MVB12B: variants seen among roughly 807,000 people sequenced by gnomAD.
The protein encoded by MVB12B is multivesicular body subunit 12B.
MVB12B carries 16 observed loss-of-function variants against 41.6 expected under a neutral mutation model. That is an observed-to-expected ratio of 0.38 (90% CI 0.26 to 0.58). The LOEUF is 0.58. Among genes scored for constraint, MVB12B ranks in the 20% least tolerant of loss-of-function variants. The pLI is 0.62. For missense variants in MVB12B, 274 were observed against 380.2 expected (o/e 0.72, Z 2.32); for synonymous variants, 133 against 139.7 (o/e 0.95, Z 0.34).
In MVB12B at chr9:126,405,928, T is replaced by TTA. The variant is rs564801399; in HGVS notation, c.662+10241_662+10242dup. 6.0e-5 allele frequency among the ~76,000 whole-genome samples: 9 copies of TTA among 150,830 alleles called. No individual in the cohort carries two copies. The East Asian group carries it at 7.8e-4, about 13-fold the overall frequency. ...TCTTGTGCCAGGCATTGTGTAAACGTTATATATATATGTACACACCTACAC... is the reference window on the plus strand; with the variant it reads ...TCTTGTGCCAGGCATTGTGTAAACGTTATATATATATATGTACACACCTACAC... On this transcript the variant is annotated intron_variant, in intron 6 of 9. Transcript: ENST00000361171.
chr9:126,454,723 G>A (rs1832945604), intron 7 of MVB12B, among the ~76,000 whole-genome samples: 1 of 151,964 alleles, frequency 6.6e-6, no homozygotes, highest in Non-Finnish European at 1.5e-5. Flanking sequence ...GTTAAGCACT[G>A]CATAATGTGC....
In MVB12B at chr9:126,373,980, A is replaced by G. The variant is rs77056392; in HGVS notation, c.205-7084A>G. The stretch of plus-strand genomic sequence containing the variant: ...ATACAGATAATTGTTTTGAAAACAA[A>G]CTAAAGTATTGTACTTTATAAACCA... On this transcript the variant is annotated intron_variant, in intron 2 of 9. Coordinates refer to ENST00000361171, the MANE Select transcript of MVB12B (RefSeq NM_033446.3). Among the ~76,000 whole-genome samples, 929 of 152,368 alleles carry G rather than the reference A, an allele frequency of 6.1e-3. 17 individuals carry two copies. The highest frequency in any genetic ancestry group is 0.021 in the African/African-American group (891 of 41,584).
chr9:126,458,055 G>C (rs1387198976), intron 7 of MVB12B, among the ~76,000 whole-genome samples: 1 of 152,178 alleles, frequency 6.6e-6, no homozygotes, highest in Non-Finnish European at 1.5e-5. Flanking sequence ...CAGTAGCCCT[G>C]CACTCTCCCT....
chr9:126,359,582 G>A (rs1190341366), intron 2 of MVB12B, among the ~76,000 whole-genome samples: 1 of 152,156 alleles, frequency 6.6e-6, no homozygotes, highest in Admixed American at 6.5e-5. Flanking sequence ...TAGATGTAGT[G>A]TCATTCAGGT....
At position 126,386,472 on chromosome 9, in the gene MVB12B, G is replaced by T. The variant is rs1340452463; in HGVS notation, c.313-90G>T. ...CTGTCATAAAGCTGCACGAGTCATTGTGTTAAATATGCATCTGGAAGCCAA... is the reference window on the plus strand; with the variant it reads ...CTGTCATAAAGCTGCACGAGTCATTTTGTTAAATATGCATCTGGAAGCCAA... On this transcript the variant is annotated intron_variant, in intron 3 of 9. Transcript: ENST00000361171. This position sits in a 1 kb window ranked among gnomAD's most constrained non-coding sequence, Gnocchi z 4.3. 1.2e-6 allele frequency: 1 copy of T among 808,826 alleles called. No homozygotes were observed. Among genetic ancestry groups the T allele is most frequent in the East Asian group, 2.6e-5 (1 of 38,770 alleles). The allele number at this position is 808,826 out of a possible 1,614,324, so 50.1% of individuals were successfully genotyped here. A position where few individuals can be genotyped will look rare whatever the true frequency, so the allele number is the denominator to read the frequency against.
intron 7 of MVB12B, among the ~76,000 whole-genome samples, chr9:126,442,249 A>AG (rs1832658550): frequency 1.3e-5 from 2 of 152,230 alleles, no homozygotes; most frequent in Admixed American, 1.3e-4. Context: ...TTTTATCCGC[A>AG]GGGCCCTAGA....
Position 126,473,011 on chromosome 9 carries a change from C to A in MVB12B, c.758-8358C>A, listed in dbSNP as rs1297231579. 6.6e-6 allele frequency among the ~76,000 whole-genome samples: 1 copy of A among 152,142 alleles called. No individual in the cohort carries two copies. Among genetic ancestry groups the A allele is most frequent in the African/African-American group, 2.4e-5 (1 of 41,412 alleles). On this transcript the variant is annotated intron_variant, in intron 7 of 9. Coordinates refer to ENST00000361171, the MANE Select transcript of MVB12B (RefSeq NM_033446.3). The surrounding 1 kb of genome is among the most constrained non-coding windows in gnomAD (Gnocchi z 4.0). ...AGAAGAAGAAAGCACTGGCCTAGTA[C>A]TGAAAGGAAACCTGCCCCAGCACAT...
At chr9:126,439,095 A>G (rs1359540060) in intron 7 of MVB12B, among the ~76,000 whole-genome samples, 1 of 150,800 alleles carries the variant, frequency 6.6e-6, no homozygotes, top group Non-Finnish European at 1.5e-5. Flanking sequence ...TTTTTTTTTT[A>G]TTTTAATACA....
intron 7 of MVB12B, among the ~76,000 whole-genome samples, chr9:126,469,861 C>T (rs1232535302): frequency 6.6e-6 from 1 of 152,146 alleles, no homozygotes; most frequent in African/African-American, 2.4e-5. Flanking sequence ...TTTATCTTTA[C>T]CTTGAGCAAA....
chr9:126,371,758 T>C lies in MVB12B; in HGVS notation c.205-9306T>C, dbSNP rs191716944. Among the ~76,000 whole-genome samples, 409 of 152,328 alleles carry C rather than the reference T, an allele frequency of 2.7e-3. 3 individuals carry two copies. The highest frequency in any genetic ancestry group is 4.5e-3 in the Non-Finnish European group (308 of 68,034). ...GCTAGGTACTCAGAAAAATATTCCG[T>C]GAATAAGATAAGATCTTTACTTTAA... is the stretch of plus-strand genomic sequence containing the variant. On this transcript the variant is annotated intron_variant, in intron 2 of 9. Coordinates refer to ENST00000361171, the MANE Select transcript of MVB12B (RefSeq NM_033446.3).
chr9:126,397,017 A>G, intron 6 of MVB12B: 1 of 985,560 alleles, frequency 1.0e-6, no homozygotes, highest in Non-Finnish European at 1.2e-6. Context: ...CAGGTGTGTC[A>G]CCTGTGCTGG....
chr9:126,477,304 C>T (rs1833442380), intron 7 of MVB12B, among the ~76,000 whole-genome samples: 1 of 152,202 alleles, frequency 6.6e-6, no homozygotes, highest in Admixed American at 6.5e-5. Context: ...GTCTCGATCT[C>T]CAACATTGGG....
chr9:126,490,091 G>A (rs1833700911), intron 9 of MVB12B, among the ~76,000 whole-genome samples: 1 of 152,208 alleles, frequency 6.6e-6, no homozygotes, highest in Non-Finnish European at 1.5e-5. Context: ...TCTTCTCTGG[G>A]CGTGAGGAGA....
chr9:126,492,437 C>G (rs1303311117), intron 9 of MVB12B, among the ~76,000 whole-genome samples: 1 of 151,944 alleles, frequency 6.6e-6, no homozygotes, highest in Non-Finnish European at 1.5e-5. Flanking sequence ...TTGAACAGGG[C>G]GGGGCTATTG....
Position 126,498,940 on chromosome 9 carries a change from T to G in MVB12B, c.874-4237T>G, listed in dbSNP as rs372107337. Among the ~76,000 whole-genome samples, 17 of 152,292 alleles carry G rather than the reference T, an allele frequency of 1.1e-4. No individual in the cohort carries two copies. In the South Asian group the frequency reaches 1.9e-3, roughly 17 times the overall value. On this transcript the variant is annotated intron_variant, in intron 9 of 9. Coordinates refer to ENST00000361171, the MANE Select transcript of MVB12B (RefSeq NM_033446.3). ...CCCGTGCCGGTTAAACCAGGACCAC[T>G]CCTGCCAACCACAGGTGGGGGCCAT... is the stretch of plus-strand genomic sequence containing the variant.
chr9:126,396,329 C>A, intron 6 of MVB12B: 3 of 985,612 alleles, frequency 3.0e-6, no homozygotes, highest in Non-Finnish European at 3.6e-6. Flanking sequence ...AAATAAAAAT[C>A]CTGTGCATCA....
At chr9:126,409,094 A>G (rs1030931340) in intron 6 of MVB12B, among the ~76,000 whole-genome samples, 2 of 151,542 alleles carry the variant, frequency 1.3e-5, no homozygotes, top group East Asian at 1.9e-4. Context: ...CCTGGCCACA[A>G]CGGCATCGTG....
rs1554776184 is a variant in MVB12B at position 126,413,849 on chromosome 9, T to TGTGTGTGTGTGTGTGTGC, written c.663-8001_663-8000insGTGTGTGTGTGTGCGTGT. ...GTGTGTGTGTGTGTGTGTGTGTGTG[T>TGTGTGTGTGTGTGTGTGC]GTGTATAAGGGTTGGGAGATCAAAG... On this transcript the variant is annotated intron_variant, in intron 6 of 9. Coordinates refer to ENST00000361171, the MANE Select transcript of MVB12B (RefSeq NM_033446.3). Among the ~76,000 whole-genome samples, 316 of 148,618 alleles carry TGTGTGTGTGTGTGTGTGC rather than the reference T, an allele frequency of 2.1e-3. 10 individuals carry two copies. The East Asian group carries it at 0.034, about 16-fold the overall frequency.
In MVB12B at chr9:126,367,553, C is replaced by G. The variant is rs1247162733; in HGVS notation, c.205-13511C>G. On this transcript the variant is annotated intron_variant, in intron 2 of 9. Transcript: ENST00000361171. The surrounding 1 kb of genome is among the most constrained non-coding windows in gnomAD (Gnocchi z 4.3). ...AGATGCCTTTGGTTCTGTTTATCCTCCCAGCAGCCTGCCTCTTCTCCTTCT... is the reference window on the plus strand; with the variant it reads ...AGATGCCTTTGGTTCTGTTTATCCTGCCAGCAGCCTGCCTCTTCTCCTTCT... Among the ~76,000 whole-genome samples, 1 of 152,196 alleles carries G rather than the reference C, an allele frequency of 6.6e-6. No individual in the cohort carries two copies. The highest frequency in any genetic ancestry group is 2.4e-5 in the African/African-American group (1 of 41,448).
Sources: allele counts gnomAD v4.1 joint callset (sites outside exome capture counted in the v4.1 genomes callset), GRCh38; gene constraint gnomAD v4.1.1; non-coding constraint Gnocchi (gnomAD v3.1); transcripts MANE v1.5; gene names NCBI Gene and HGNC (gene_info 2026-07-23, HGNC 2026-07-21).